The following METTL15 variants were observed in gnomAD, a reference collection of about 807,000 sequenced individuals.
METTL15 encodes 12S rRNA N(4)-cytidine methyltransferase METTL15.
A neutral mutation model predicts 38.3 loss-of-function variants in METTL15; 34 were observed. The observed-to-expected ratio is 0.89, with a 90% CI of 0.68 to 1.18. The LOEUF is 1.18. Ranked by LOEUF, METTL15 falls within the 50% of genes most tolerant of loss-of-function variation. The pLI, the probability that METTL15 is intolerant of heterozygous loss-of-function variation, is 0.00. For synonymous variants in METTL15, 162 were observed against 170.9 expected (o/e 0.95, Z 0.41); for missense variants, 438 against 498.4 (o/e 0.88, Z 1.15).
At chr11:28,282,334 T>A (rs1035920896) in intron 4 of METTL15, among the ~76,000 whole-genome samples, 1 of 152,150 alleles carries the variant, frequency 6.6e-6, no homozygotes, top group Non-Finnish European at 1.5e-5. Context: ...TTAGTGCTTT[T>A]AAAAAGAAAC....
At position 28,211,136 on chromosome 11, in the gene METTL15, C is replaced by G. The variant is rs1192501642; in HGVS notation, c.345C>G (p.Leu115=). 6.2e-7 allele frequency: 1 copy of G among 1,612,996 alleles called. No individual in the cohort carries two copies. The highest frequency in any genetic ancestry group is 1.1e-5 in the South Asian group (1 of 90,980). Residue 115 remains leucine, a synonymous_variant, in exon 4 of 7, where the codon CTC becomes CTG. Transcript: ENST00000407364. Reference sequence around the variant, plus strand: ...TGCAGAAGGAGTCAGATATTGTTCTCTATGCCTTGGACAGAGACCCAACAG... The same window carrying G: ...TGCAGAAGGAGTCAGATATTGTTCTGTATGCCTTGGACAGAGACCCAACAG... ...AILQKESDIV[L]YALDRDPTAY...
intron 5 of METTL15, among the ~76,000 whole-genome samples, chr11:28,380,562 G>C (rs1480352194): frequency 6.6e-6 from 1 of 151,894 alleles, no homozygotes; most frequent in Non-Finnish European, 1.5e-5. Flanking sequence ...CTTTCTTACT[G>C]TCTTCATTTG....
chr11:28,490,999 C>T (rs954253486), intron 6 of METTL15, among the ~76,000 whole-genome samples: 3 of 152,132 alleles, frequency 2.0e-5, no homozygotes, highest in Admixed American at 6.6e-5. Context: ...AAAGTAATTT[C>T]CCAATGAGTT....
chr11:28,171,326 G>A (rs1850850030), intron 3 of METTL15, among the ~76,000 whole-genome samples: 1 of 152,116 alleles, frequency 6.6e-6, no homozygotes, highest in South Asian at 2.1e-4. Flanking sequence ...GCAGCACTAG[G>A]TAAGTGGCCT....
chr11:28,285,670 T>C (rs939896711), intron 4 of METTL15, among the ~76,000 whole-genome samples: 38 of 152,316 alleles, frequency 2.5e-4, no homozygotes, highest in African/African-American at 8.7e-4. Context: ...AATCTTTCTC[T>C]CTACTTTGCT....
intron 6 of METTL15, among the ~76,000 whole-genome samples, chr11:28,509,764 A>G (rs1851659098): frequency 6.6e-6 from 1 of 151,982 alleles, no homozygotes; most frequent in East Asian, 1.9e-4. Flanking sequence ...GACACCCCCA[A>G]CCTTATGTCT....
At chr11:28,375,409 C>T (rs1385707349) in intron 5 of METTL15, among the ~76,000 whole-genome samples, 12 of 151,960 alleles carry the variant, frequency 7.9e-5, no homozygotes, top group Admixed American at 2.0e-4. Context: ...GTGTATGTGT[C>T]GAGGAATTTA....
At chr11:28,165,043 T>G (rs961284085) in intron 3 of METTL15, among the ~76,000 whole-genome samples, 2 of 152,260 alleles carry the variant, frequency 1.3e-5, no homozygotes, top group Middle Eastern at 3.4e-3. Flanking sequence ...AGGCTGAATA[T>G]TTTTCCATTA....
intron 5 of METTL15, chr11:28,398,867 A>T (rs934284405): frequency 1.3e-5 from 2 of 152,034 alleles, no homozygotes; most frequent in Non-Finnish European, 1.5e-5. Context: ...GAAAATGGAC[A>T]TACTGCCCAA....
chr11:28,170,024 G>T lies in METTL15; in HGVS notation c.271-41038G>T, dbSNP rs558233788. Among the ~76,000 whole-genome samples, 299 of 152,172 alleles carry T rather than the reference G, an allele frequency of 2.0e-3. 1 individual carries two copies. Among genetic ancestry groups the T allele is most frequent in the African/African-American group, 5.9e-3 (247 of 41,522 alleles). On this transcript the variant is annotated intron_variant, in intron 3 of 6. Transcript: ENST00000407364. ...TGGGGGGTAGGATGTGGTTCCTGTT[G>T]GGCTTCTGTACTGAGTGACTAGGCT... is the stretch of plus-strand genomic sequence containing the variant.
At chr11:28,132,697 C>T (rs1437794352) in intron 3 of METTL15, among the ~76,000 whole-genome samples, 2 of 152,090 alleles carry the variant, frequency 1.3e-5, no homozygotes, top group African/African-American at 4.8e-5. Context: ...TATGGTATTA[C>T]TACATTTCAG....
intron 6 of METTL15, among the ~76,000 whole-genome samples, chr11:28,487,207 T>C (rs1851446217): frequency 6.6e-6 from 1 of 152,178 alleles, no homozygotes; most frequent in African/African-American, 2.4e-5. Context: ...CTTTTAGAAA[T>C]GTATTCTAAG....
At chr11:28,220,852 T>A (rs575023343) in intron 4 of METTL15, among the ~76,000 whole-genome samples, 1 of 152,222 alleles carries the variant, frequency 6.6e-6, no homozygotes, top group East Asian at 1.9e-4. Context: ...AAATTCTGGA[T>A]TGAAAATTGT....
intron 3 of METTL15, among the ~76,000 whole-genome samples, chr11:28,120,326 T>A (rs1852172441): frequency 6.6e-6 from 1 of 151,866 alleles, no homozygotes; most frequent in Non-Finnish European, 1.5e-5. Context: ...GTGTTTTCCC[T>A]CTGTTATTTT....
chr11:28,325,391 A>G (rs1379907454), intron 6 of METTL15, among the ~76,000 whole-genome samples: 1 of 152,170 alleles, frequency 6.6e-6, no homozygotes, highest in Admixed American at 6.6e-5. Context: ...TATACATAGA[A>G]GCTTTGGGTA....
At chr11:28,293,273 T>C (rs1482907858) in intron 5 of METTL15, among the ~76,000 whole-genome samples, 1 of 152,254 alleles carries the variant, frequency 6.6e-6, no homozygotes, top group African/African-American at 2.4e-5. Context: ...TTTCTACATA[T>C]GGCTAGCGAG....
At chr11:28,408,821 G>C (rs1850699297) in intron 5 of METTL15, among the ~76,000 whole-genome samples, 1 of 152,008 alleles carries the variant, frequency 6.6e-6, no homozygotes, top group Non-Finnish European at 1.5e-5. Context: ...ACCTTAAATT[G>C]ATCAGGTATG....
At chr11:28,348,020 A>G (rs993581441) in intron 3 of METTL15, among the ~76,000 whole-genome samples, 10 of 152,072 alleles carry the variant, frequency 6.6e-5, no homozygotes, top group African/African-American at 2.4e-4. Context: ...CACACTTACT[A>G]TTTTATTTTC....
At chr11:28,193,818 C>T (rs1851788760) in intron 3 of METTL15, among the ~76,000 whole-genome samples, 1 of 152,074 alleles carries the variant, frequency 6.6e-6, no homozygotes, top group South Asian at 2.1e-4. Flanking sequence ...TATATCACTC[C>T]CCTTGGCACA....
Sources: allele counts gnomAD v4.1 joint callset (sites outside exome capture counted in the v4.1 genomes callset), GRCh38; gene constraint gnomAD v4.1.1; transcripts MANE v1.5; gene names NCBI Gene and HGNC (gene_info 2026-07-23, HGNC 2026-07-21).